DMD: variants seen among roughly 807,000 people sequenced by gnomAD.
DMD encodes dystrophin.
Under a neutral mutation model 330.1 loss-of-function variants are expected in DMD, and 63 were observed. The ratio of observed to expected loss-of-function variants is 0.19; its 90% confidence interval spans 0.16 to 0.24. DMD has a LOEUF of 0.24. Ranked by LOEUF, DMD falls within the 10% of genes least tolerant of loss-of-function variation. The probability of loss-of-function intolerance (pLI) is 1.00; values close to 1 mark genes in which losing one functional copy is unlikely to be tolerated. For synonymous variants in DMD, 1,223 were observed against 959.8 expected, an observed-to-expected ratio of 1.27 and a Z score of -5.07; for missense variants, 3,344 against 2,684.1, an observed-to-expected ratio of 1.25 and a Z score of -5.43.
At chrX:33,045,234 A>G (rs752863656) in intron 1 of DMD, among the ~76,000 whole-genome samples, 26 of 109,890 alleles carry the variant, frequency 2.4e-4, no homozygotes, top group Admixed American at 6.9e-4. Flanking sequence ...TGTGATAACA[A>G]TTCACATGTT....
intron 62 of DMD, among the ~76,000 whole-genome samples, chrX:31,291,808 C>A (rs147103722): frequency 0.012 from 1,317 of 110,209 alleles, 18 homozygotes; most frequent in African/African-American, 0.041. Context: ...AATGGCAGAC[C>A]AATATAACTA....
At chrX:32,269,148 G>A (rs911673274) in intron 43 of DMD, among the ~76,000 whole-genome samples, 1 of 110,713 alleles carries the variant, frequency 9.0e-6, no homozygotes, top group African/African-American at 3.3e-5. Context: ...ACTGGTATAC[G>A]ACCTTCCTCT....
chrX:31,140,978 G>A (rs935898202), intron 76 of DMD, among the ~76,000 whole-genome samples: 26 of 111,178 alleles, frequency 2.3e-4, no homozygotes, highest in African/African-American at 5.6e-4. Context: ...ATTGCTTGAG[G>A]TTGGGAGTTC....
intron 25 of DMD, among the ~76,000 whole-genome samples, chrX:32,455,183 T>C (rs1009591795): frequency 4.5e-5 from 5 of 111,451 alleles, no homozygotes; most frequent in Non-Finnish European, 7.6e-5. Flanking sequence ...TACATAGAAA[T>C]AGTTATTCTT....
intron 47 of DMD, among the ~76,000 whole-genome samples, chrX:31,898,847 A>C (rs2149802465): frequency 8.9e-6 from 1 of 112,139 alleles, no homozygotes; most frequent in South Asian, 3.6e-4. Context: ...ACAGGGGTTT[A>C]GTTTTTATGC....
chrX:31,548,942 T>TA (rs879377579), intron 55 of DMD, among the ~76,000 whole-genome samples: 20 of 104,863 alleles, frequency 1.9e-4, no homozygotes, highest in East Asian at 6.0e-4. Context: ...TGATTTTTTT[T>TA]AAAAAAAAAA....
At chrX:32,550,156 G>C (rs1466836903) in intron 16 of DMD, among the ~76,000 whole-genome samples, 1 of 111,141 alleles carries the variant, frequency 9.0e-6, no homozygotes, top group African/African-American at 3.3e-5. Context: ...ATACTGAATA[G>C]TGTAGGCACA....
intron 1 of DMD, among the ~76,000 whole-genome samples, chrX:33,112,535 C>T (rs2095347775): frequency 9.0e-6 from 1 of 111,361 alleles, no homozygotes; most frequent in Non-Finnish European, 1.9e-5. Flanking sequence ...AGAAAATAGA[C>T]TTTTTCAGTA....
In DMD at chrX:32,645,157, A is replaced by G; in HGVS notation, c.961-5T>C. 9.1e-6 allele frequency: 11 copies of G among 1,210,304 alleles called. No homozygotes were observed. Among genetic ancestry groups the G allele is most frequent in the Non-Finnish European group, 1.2e-5 (11 of 894,439 alleles). On this transcript the variant is annotated splice_region_variant and splice_polypyrimidine_tract_variant and intron_variant, in intron 9 of 78. Transcript: ENST00000357033. ...GTCTTCAGGAGCTTCCAAATGCTGC[A>G]CAATAAAATAAATTGGGTGTTACAC...
rs1328409491 is a variant in DMD, at chrX:32,501,811, C to T, written c.2324G>A (p.Arg775Lys). 8.3e-7 allele frequency: 1 copy of T among 1,206,721 alleles called. No individual in the cohort carries two copies. Among genetic ancestry groups the T allele is most frequent in the African/African-American group, 1.7e-5 (1 of 57,192 alleles). Residue 775 changes from arginine to lysine, a missense_variant, in exon 19 of 79, where the codon AGA becomes AAA. By Grantham distance (26) the Arg-to-Lys change is conservative. Transcript: ENST00000357033. ...AIEREKAEKFRKLQDASRSAQ... is the reference protein window; with the variant it reads ...AIEREKAEKFKKLQDASRSAQ... ...TGATCTGCTGGCATCTTGCAGTTTT[C>T]TGAACTTCTCAGCTTTTTCTCGCTC...
At chrX:32,436,784 T>C (rs2148180179) in intron 29 of DMD, among the ~76,000 whole-genome samples, 1 of 109,545 alleles carries the variant, frequency 9.1e-6, no homozygotes, top group African/African-American at 3.3e-5. Flanking sequence ...AAACAACATT[T>C]CCACACACAC....
intron 30 of DMD, among the ~76,000 whole-genome samples, chrX:32,394,012 T>A (rs897656991): frequency 8.9e-6 from 1 of 111,858 alleles, no homozygotes; most frequent in Non-Finnish European, 1.9e-5. Flanking sequence ...TAAAAATAGT[T>A]TAAATTACTT....
chrX:31,649,246 C>T (rs1464279930), intron 54 of DMD, among the ~76,000 whole-genome samples: 1 of 111,493 alleles, frequency 9.0e-6, no homozygotes, highest in African/African-American at 3.3e-5. Flanking sequence ...AAAACTGATA[C>T]ATAGGAGCAT....
chrX:31,869,080 A>C (rs1486867532), intron 48 of DMD, among the ~76,000 whole-genome samples: 1 of 111,568 alleles, frequency 9.0e-6, no homozygotes, highest in African/African-American at 3.3e-5. Context: ...GCCCTCAGCA[A>C]ATTTCTAATT....
chrX:33,245,375 T>G (rs2052649458), intron 1 of DMD, among the ~76,000 whole-genome samples: 1 of 111,950 alleles, frequency 8.9e-6, no homozygotes, highest in Non-Finnish European at 1.9e-5. Flanking sequence ...ACACTCACTC[T>G]GAATAGTCAA....
intron 60 of DMD, among the ~76,000 whole-genome samples, chrX:31,409,869 A>G (rs1448772852): frequency 9.0e-6 from 1 of 111,531 alleles, no homozygotes; most frequent in Non-Finnish European, 1.9e-5. Context: ...CCCAGGCTGG[A>G]GGGCAGTGAC....
At chrX:32,123,885 G>T (rs1421243909) in intron 44 of DMD, among the ~76,000 whole-genome samples, 4 of 112,183 alleles carry the variant, frequency 3.6e-5, no homozygotes, top group African/African-American at 9.7e-5. Flanking sequence ...GTACACTATT[G>T]ATTTCAATGT....
intron 7 of DMD, among the ~76,000 whole-genome samples, chrX:32,709,659 T>A (rs1393397222): frequency 9.0e-6 from 1 of 111,271 alleles, no homozygotes; most frequent in Non-Finnish European, 1.9e-5. Flanking sequence ...TAAAATAATT[T>A]CTCTTTTTGC....
At chrX:32,490,803 C>A (rs1390876559) in intron 20 of DMD, among the ~76,000 whole-genome samples, 1 of 111,936 alleles carries the variant, frequency 8.9e-6, no homozygotes, top group East Asian at 2.8e-4. Flanking sequence ...TGTAAAGAAA[C>A]CTTCCTCAAA....
Sources: allele counts gnomAD v4.1 joint callset (sites outside exome capture counted in the v4.1 genomes callset), GRCh38; gene constraint gnomAD v4.1.1; transcripts MANE v1.5; gene names NCBI Gene and HGNC (gene_info 2026-07-23, HGNC 2026-07-21).